The following CDK14 variants were observed in gnomAD, a reference collection of about 807,000 sequenced individuals.
The protein encoded by CDK14 is cyclin-dependent kinase 14.
Under a neutral mutation model 60.7 loss-of-function variants are expected in CDK14, and 34 were observed. That is an observed-to-expected ratio of 0.56 (90% confidence interval 0.43 to 0.75). The LOEUF (loss-of-function observed/expected upper bound fraction) is 0.75. Among genes scored for constraint, CDK14 ranks in the 30% least tolerant of loss-of-function variants. The probability of loss-of-function intolerance (pLI) is 0.00; values close to 1 mark genes in which losing one functional copy is unlikely to be tolerated. For missense variants in CDK14, 482 were observed against 564.1 expected, an observed-to-expected ratio of 0.85 and a Z score of 1.47; for synonymous variants, 197 against 203.7, an observed-to-expected ratio of 0.97 and a Z score of 0.28.
At chr7:91,132,408 C>T (rs1012277548) in intron 14 of CDK14, among the ~76,000 whole-genome samples, 13 of 152,008 alleles carry the variant, frequency 8.6e-5, no homozygotes, top group Non-Finnish European at 1.3e-4. Context: ...AGAAGACACG[C>T]GCAGAGAAAG....
In CDK14 at chr7:91,098,378, A is replaced by G. The variant is rs116790600; in HGVS notation, c.1155-14164A>G. Among the ~76,000 whole-genome samples, 4 of 152,254 alleles carry G rather than the reference A, an allele frequency of 2.6e-5. No individual in the cohort carries two copies. In the South Asian group the frequency reaches 6.2e-4, roughly 24 times the overall value. On this transcript the variant is annotated intron_variant, in intron 12 of 14. Coordinates refer to ENST00000380050, the MANE Select transcript of CDK14 (RefSeq NM_001287135.2). ...TAGTCTACAAGATAATTTTTTAGGG[A>G]TAGCATTAGGAGATATGCCTAATGT... is the stretch of plus-strand genomic sequence containing the variant.
chr7:90,754,425 A>G (rs906377765), intron 4 of CDK14, among the ~76,000 whole-genome samples: 2 of 152,218 alleles, frequency 1.3e-5, no homozygotes, highest in African/African-American at 2.4e-5. Context: ...ATGGCTGTCC[A>G]TATGCAGGAG....
intron 5 of CDK14, among the ~76,000 whole-genome samples, chr7:90,810,066 T>A (rs1195042354): frequency 6.6e-6 from 1 of 152,208 alleles, no homozygotes; most frequent in African/African-American, 2.4e-5. Context: ...TACCATTCCT[T>A]CTGAAACTAT....
chr7:90,960,784 T>TA (rs1216257589), intron 9 of CDK14, among the ~76,000 whole-genome samples: 1 of 152,168 alleles, frequency 6.6e-6, no homozygotes, highest in Non-Finnish European at 1.5e-5. Flanking sequence ...GATTTAGGTT[T>TA]ATTTGCTAAT....
At chr7:91,051,638 A>G (rs956949073) in intron 11 of CDK14, among the ~76,000 whole-genome samples, 9 of 152,218 alleles carry the variant, frequency 5.9e-5, no homozygotes, top group African/African-American at 2.2e-4. Context: ...TGTGAGATTC[A>G]TCACAGGCAA....
intron 11 of CDK14, among the ~76,000 whole-genome samples, chr7:91,053,813 G>T (rs1051385877): frequency 1.3e-5 from 2 of 152,100 alleles, no homozygotes; most frequent in African/African-American, 4.8e-5. Context: ...CTGCGGGGGG[G>T]CTCTTTGTGC....
At chr7:90,855,462 C>A (rs1419705332) in intron 5 of CDK14, among the ~76,000 whole-genome samples, 1 of 152,122 alleles carries the variant, frequency 6.6e-6, no homozygotes, top group Admixed American at 6.6e-5. Context: ...AGTATAAAAG[C>A]AATATATCTT....
At chr7:90,793,583 T>G (rs1462019238) in intron 5 of CDK14, among the ~76,000 whole-genome samples, 5 of 152,156 alleles carry the variant, frequency 3.3e-5, no homozygotes, top group African/African-American at 1.2e-4. Context: ...GAGGAATAGT[T>G]AAGATCAGGA....
chr7:91,033,082 A>G (rs1030618208), intron 10 of CDK14, among the ~76,000 whole-genome samples: 2 of 152,200 alleles, frequency 1.3e-5, no homozygotes, highest in Admixed American at 1.3e-4. Flanking sequence ...ACGCGTGAGG[A>G]TTTTCATTGG....
chr7:90,655,717 A>T (rs1267548652), intron 2 of CDK14, among the ~76,000 whole-genome samples: 1 of 152,240 alleles, frequency 6.6e-6, no homozygotes, highest in Admixed American at 6.5e-5. Flanking sequence ...TTGGTTGTTA[A>T]CATAGCTCTT....
At chr7:90,983,844 A>C (rs1384320644) in intron 9 of CDK14, among the ~76,000 whole-genome samples, 4 of 152,170 alleles carry the variant, frequency 2.6e-5, no homozygotes, top group Non-Finnish European at 5.9e-5. Flanking sequence ...AAAAGCAACA[A>C]TAGACACTAG....
chr7:91,117,182 A>G (rs1287361476), intron 13 of CDK14, among the ~76,000 whole-genome samples: 2 of 150,214 alleles, frequency 1.3e-5, no homozygotes, highest in Non-Finnish European at 3.0e-5. Context: ...AAATAGCAGC[A>G]TCATTCTTCC....
rs114515063 is a variant in CDK14, at chr7:90,984,689, C to T, written c.1041+448C>T. Reference sequence around the variant, plus strand: ...GACACCAGTTAAACAGTACTTCCGTCAGGTTTTCAAGGCTATCATCATCAA... The same window carrying T: ...GACACCAGTTAAACAGTACTTCCGTTAGGTTTTCAAGGCTATCATCATCAA... On this transcript the variant is annotated intron_variant, in intron 10 of 14. Transcript: ENST00000380050. Among the ~76,000 whole-genome samples the T allele has an allele frequency of 2.7e-3, 408 of 152,268 alleles. 4 individuals carry two copies. The highest frequency in any genetic ancestry group is 9.5e-3 in the African/African-American group (395 of 41,534).
intron 10 of CDK14, among the ~76,000 whole-genome samples, chr7:91,044,600 G>A (rs1797181400): frequency 6.6e-6 from 1 of 152,126 alleles, no homozygotes; most frequent in Admixed American, 6.5e-5. Flanking sequence ...TGGTTTTTCA[G>A]GTTAACTTGA....
intron 5 of CDK14, among the ~76,000 whole-genome samples, chr7:90,852,585 C>A (rs1257536369): frequency 6.6e-6 from 1 of 152,166 alleles, no homozygotes; most frequent in Non-Finnish European, 1.5e-5. Flanking sequence ...GGCCTTAGTG[C>A]CTTTTCTTAG....
At chr7:91,034,939 T>TAGACATAC (rs1554408675) in intron 10 of CDK14, among the ~76,000 whole-genome samples, 1 of 94,516 alleles carries the variant, frequency 1.1e-5, no homozygotes, top group Non-Finnish European at 2.1e-5. Context: ...CACACACACA[T>TAGACATAC]ACACATACAC....
intron 1 of CDK14, among the ~76,000 whole-genome samples, chr7:90,602,799 A>C (rs2116315082): frequency 6.6e-6 from 1 of 152,350 alleles, no homozygotes; most frequent in South Asian, 2.1e-4. Context: ...AAGAAAGATT[A>C]GTTTATTAGG....
intron 6 of CDK14, among the ~76,000 whole-genome samples, chr7:90,876,288 G>C (rs1289418358): frequency 1.3e-5 from 2 of 152,152 alleles, no homozygotes; most frequent in South Asian, 4.1e-4. Context: ...ACTGAGTGGG[G>C]ATCAGACCCC....
chr7:91,139,390 C>A (rs563754083), intron 14 of CDK14, among the ~76,000 whole-genome samples: 1 of 152,210 alleles, frequency 6.6e-6, no homozygotes, highest in South Asian at 2.1e-4. Flanking sequence ...GCATTTATAT[C>A]TATACTGAGT....
Sources: gnomAD v4.1 joint callset for allele counts (sites outside exome capture counted in the v4.1 genomes callset) on GRCh38, gnomAD v4.1.1 for gene constraint, MANE v1.5 for transcripts, NCBI Gene and HGNC (gene_info 2026-07-23, HGNC 2026-07-21) for gene names.